AKAIN1: variants seen among roughly 807,000 people sequenced by gnomAD.
AKAIN1 encodes A-kinase anchor protein inhibitor 1.
Under a neutral mutation model 3.7 loss-of-function variants are expected in AKAIN1, and 3 were observed. The ratio of observed to expected loss-of-function variants is 0.82; its 90% confidence interval spans 0.37 to 2.12. The LOEUF is 2.12. AKAIN1 is among the 30% of genes most tolerant of loss of function. The pLI, the probability that AKAIN1 is intolerant of heterozygous loss-of-function variation, is 0.06. For missense variants in AKAIN1, 82 were observed against 82.7 expected (o/e 0.99, Z 0.03); for synonymous variants, 31 against 30.8 (o/e 1.01, Z -0.02).
In AKAIN1 at chr18:5,145,046, A is replaced by C. The variant is rs1461049145; in HGVS notation, c.*516T>G. Among the ~76,000 whole-genome samples the C allele has an allele frequency of 2.0e-5, 3 of 152,172 alleles. No homozygotes were observed. The highest frequency in any genetic ancestry group is 2.9e-5 in the Non-Finnish European group (2 of 68,030). ...ATGGTCCCGAGGGACTCAGCCTTAG[A>C]ATTTCCCTTTTCTTAATTTGATCTT... On this transcript the variant is annotated 3_prime_UTR_variant, in exon 2 of 2. Transcript: ENST00000434239.
chr18:5,156,161 A>G (rs1331958108), intron 1 of AKAIN1, among the ~76,000 whole-genome samples: 2 of 152,158 alleles, frequency 1.3e-5, no homozygotes, highest in Non-Finnish European at 2.9e-5. Flanking sequence ...GTTCCCGGGC[A>G]TGGTGAGGAC....
At chr18:5,181,606 T>A (rs2071259258) in intron 1 of AKAIN1, among the ~76,000 whole-genome samples, 1 of 152,120 alleles carries the variant, frequency 6.6e-6, no homozygotes, top group Non-Finnish European at 1.5e-5. Flanking sequence ...CCTCTAAGGA[T>A]GCTGAAGATG....
rs2071044963 is a variant in AKAIN1, at chr18:5,145,669, G to A, written c.103C>T (p.Gln35Ter). 1.3e-6 allele frequency: 2 copies of A among 1,551,634 alleles called. No individual in the cohort carries two copies. Among genetic ancestry groups the A allele is most frequent in the Non-Finnish European group, 8.7e-7 (1 of 1,146,934 alleles). The change falls in exon 2 of 2, where the codon CAG becomes TAG. Residue 35 changes from glutamine to a stop codon, truncating the protein, a stop_gained. Transcript: ENST00000434239. LOFTEE classifies it low-confidence loss of function (END_TRUNC). ...CGCTGACTCTCCTGGGAGACTTGCT[G>A]CACAGCTTGCAGGATTGCATTCTGC... is the stretch of plus-strand genomic sequence containing the variant. ...IVQNAILQAV[Q>*]QVSQESQRRE... is the part of the protein sequence containing the mutation.
At position 5,144,740 on chromosome 18, in the gene AKAIN1, T is replaced by C. The variant is rs2071039137; in HGVS notation, c.*822A>G. On this transcript the variant is annotated 3_prime_UTR_variant, in exon 2 of 2. Coordinates refer to ENST00000434239, the MANE Select transcript of AKAIN1 (RefSeq NM_001145194.2). Reference sequence around the variant, plus strand: ...CCATAATCAGCCCCAAGTGTAAGTCTCTTAATGATAGGCAGCTGTTGAAGA... The same window carrying C: ...CCATAATCAGCCCCAAGTGTAAGTCCCTTAATGATAGGCAGCTGTTGAAGA... Among the ~76,000 whole-genome samples, 1 of 152,120 alleles carries C rather than the reference T, an allele frequency of 6.6e-6. No homozygotes were observed. The highest frequency in any genetic ancestry group is 1.5e-5 in the Non-Finnish European group (1 of 68,016).
intron 1 of AKAIN1, among the ~76,000 whole-genome samples, chr18:5,173,252 A>G (rs2071207632): frequency 6.6e-6 from 1 of 152,200 alleles, no homozygotes; most frequent in African/African-American, 2.4e-5. Flanking sequence ...AAACTTTAAA[A>G]ATATCAAATC....
intron 1 of AKAIN1, among the ~76,000 whole-genome samples, chr18:5,184,268 G>A (rs912685687): frequency 7.2e-5 from 11 of 151,876 alleles, no homozygotes; most frequent in African/African-American, 2.7e-4. Flanking sequence ...CAAATAATGA[G>A]GATCCACAAT....
intron 1 of AKAIN1, among the ~76,000 whole-genome samples, chr18:5,182,031 T>C (rs1023884080): frequency 4.6e-5 from 7 of 152,054 alleles, no homozygotes; most frequent in Non-Finnish European, 7.4e-5. Flanking sequence ...ATAGACGAGA[T>C]CAGAATTATT....
chr18:5,187,506 A>C (rs1271723656), intron 1 of AKAIN1, among the ~76,000 whole-genome samples: 2 of 152,176 alleles, frequency 1.3e-5, no homozygotes, highest in African/African-American at 2.4e-5. Flanking sequence ...GGTGGAAGGC[A>C]GAAGCACATA....
chr18:5,169,803 A>C lies in AKAIN1; in HGVS notation c.17-24048T>G, dbSNP rs571416886. 2.0e-5 allele frequency among the ~76,000 whole-genome samples: 3 copies of C among 152,308 alleles called. No homozygotes were observed. In the South Asian group the frequency reaches 6.2e-4, roughly 32 times the overall value. On this transcript the variant is annotated intron_variant, in intron 1 of 1. Transcript: ENST00000434239. ...CTTCTGAGCAAAAAGATAAAACTTC[A>C]TAATAATCTACATACATAATTGTCT...
chr18:5,184,064 A>G (rs2071273952), intron 1 of AKAIN1, among the ~76,000 whole-genome samples: 1 of 152,064 alleles, frequency 6.6e-6, no homozygotes, highest in Non-Finnish European at 1.5e-5. Context: ...CTAATAGAAC[A>G]CGAAAAGAAC....
intron 1 of AKAIN1, among the ~76,000 whole-genome samples, chr18:5,169,205 A>G (rs969458467): frequency 6.6e-6 from 1 of 152,100 alleles, no homozygotes; most frequent in Non-Finnish European, 1.5e-5. Flanking sequence ...TTGCTCTTAC[A>G]GCCTTCAACT....
intron 1 of AKAIN1, 106 bp downstream of exon 1, chr18:5,196,932 A>C: frequency 9.5e-7 from 1 of 1,048,444 alleles, no homozygotes; most frequent in East Asian, 2.6e-5. Context: ...TAACTCCGAA[A>C]CGCGCAGATG....
At chr18:5,179,590 T>C (rs1467126835) in intron 1 of AKAIN1, among the ~76,000 whole-genome samples, 1 of 152,170 alleles carries the variant, frequency 6.6e-6, no homozygotes, top group Admixed American at 6.5e-5. Flanking sequence ...TTTAGGTAGA[T>C]ACCCAGTAGT....
At chr18:5,195,492 A>G (rs2071342529) in intron 1 of AKAIN1, among the ~76,000 whole-genome samples, 1 of 152,042 alleles carries the variant, frequency 6.6e-6, no homozygotes, top group Non-Finnish European at 1.5e-5. Context: ...GCTACATCTG[A>G]CCTTGGACCA....
intron 1 of AKAIN1, among the ~76,000 whole-genome samples, chr18:5,168,853 A>T (rs1458298140): frequency 6.7e-6 from 1 of 148,360 alleles, no homozygotes; most frequent in African/African-American, 2.6e-5. Context: ...TCCTCATATG[A>T]GGCAATTCAT....
At chr18:5,172,489 G>A (rs2071203279) in intron 1 of AKAIN1, among the ~76,000 whole-genome samples, 1 of 151,930 alleles carries the variant, frequency 6.6e-6, no homozygotes, top group Non-Finnish European at 1.5e-5. Context: ...ACTCATCTTT[G>A]ATAATTAGTC....
chr18:5,169,518 C>G lies in AKAIN1; in HGVS notation c.17-23763G>C, dbSNP rs117016876. On this transcript the variant is annotated intron_variant, in intron 1 of 1. Transcript: ENST00000434239. ...CTCTTCTCCAGTGAGTTCTACACAG[C>G]TCAGCTCCAAAAATCCAAGCACAAT... Among the ~76,000 whole-genome samples the G allele has an allele frequency of 1.0e-3, 152 of 152,074 alleles. 2 individuals carry two copies. The East Asian group carries it at 0.028, about 28-fold the overall frequency.
chr18:5,190,078 G>A lies in AKAIN1; in HGVS notation c.16+6960C>T, dbSNP rs189616315. ...CATATTTGGCAAGGGTCACCCCATG[G>A]TGGAAGGCAAAAGCAAGCATGTGAG... On this transcript the variant is annotated intron_variant, in intron 1 of 1. Coordinates refer to ENST00000434239, the MANE Select transcript of AKAIN1 (RefSeq NM_001145194.2). Among the ~76,000 whole-genome samples the A allele has an allele frequency of 3.9e-3, 594 of 152,270 alleles. 3 individuals carry two copies. The highest frequency in any genetic ancestry group is 0.014 in the African/African-American group (565 of 41,554).
chr18:5,192,732 C>G (rs973355017), intron 1 of AKAIN1, among the ~76,000 whole-genome samples: 4 of 151,628 alleles, frequency 2.6e-5, no homozygotes, highest in African/African-American at 9.7e-5. Flanking sequence ...ATACAACAGT[C>G]TGAAAAGGCA....
Sources: gnomAD v4.1 joint callset for allele counts (sites outside exome capture counted in the v4.1 genomes callset) on GRCh38, gnomAD v4.1.1 for gene constraint, MANE v1.5 for transcripts, NCBI Gene and HGNC (gene_info 2026-07-23, HGNC 2026-07-21) for gene names.